ZHX3: variants seen among roughly 807,000 people sequenced by gnomAD.
ZHX3 encodes the protein zinc fingers and homeoboxes 3, also known as zinc fingers and homeoboxes protein 3.
Under a neutral mutation model 64.5 loss-of-function variants are expected in ZHX3, and 20 were observed. That is an observed-to-expected ratio of 0.31 (90% CI 0.22 to 0.45). ZHX3 has a LOEUF of 0.45. Ranked by LOEUF, ZHX3 falls within the 20% of genes least tolerant of loss-of-function variation. ZHX3 has a pLI of 1.00. For synonymous variants in ZHX3, 423 were observed against 461.6 expected, an observed-to-expected ratio of 0.92 and a Z score of 1.07; for missense variants, 1,041 against 1,195.8, an observed-to-expected ratio of 0.87 and a Z score of 1.91.
rs548183566 is a variant in ZHX3 at position 41,228,306 on chromosome 20, C to T, written c.-150-23240G>A. The stretch of plus-strand genomic sequence containing the variant: ...ATGCATAAATTTCTGGCTCCGTTGA[C>T]CCTGGCACTCACCCTTCCAAAAAAC... On this transcript the variant is annotated intron_variant, in intron 2 of 3. Coordinates refer to ENST00000683867, the MANE Select transcript of ZHX3 (RefSeq NM_001384317.1). The surrounding 1 kb of genome is among the most constrained non-coding windows in gnomAD (Gnocchi z 4.6). Among the ~76,000 whole-genome samples, 108 of 152,298 alleles carry T rather than the reference C, an allele frequency of 7.1e-4. No individual in the cohort carries two copies. Among genetic ancestry groups the T allele is most frequent in the Admixed American group, 4.7e-3 (72 of 15,292 alleles).
chr20:41,196,763 G>C (rs1256561497), intron 3 of ZHX3: 19 of 174,862 alleles, frequency 1.1e-4, no homozygotes, highest in African/African-American at 4.8e-4. Context: ...AGGCAGTGCT[G>C]AAAGGCATCC....
chr20:41,256,208 G>A (rs928610246), intron 2 of ZHX3, among the ~76,000 whole-genome samples: 12 of 152,204 alleles, frequency 7.9e-5, no homozygotes, highest in African/African-American at 1.9e-4. Context: ...ATTTAGGCTC[G>A]GAGGAACAAT....
At chr20:41,241,019 G>C (rs1333751856) in intron 2 of ZHX3, among the ~76,000 whole-genome samples, 1 of 152,074 alleles carries the variant, frequency 6.6e-6, no homozygotes, top group African/African-American at 2.4e-5. Context: ...TCCTTTTTGG[G>C]GGTATATACC....
chr20:41,185,492 A>C lies in ZHX3; in HGVS notation c.2861-291T>G. The stretch of plus-strand genomic sequence containing the variant: ...GGTTTGGCCTCTCCAGGCCCACTAA[A>C]TCCCCCTAGCTCCCCAGGCTTCCGC... On this transcript the variant is annotated intron_variant, in intron 3 of 3. Transcript: ENST00000683867. The surrounding 1 kb of genome is among the most constrained non-coding windows in gnomAD (Gnocchi z 5.0). 1 of 530,178 alleles carries C rather than the reference A, an allele frequency of 1.9e-6. No homozygotes were observed. The highest frequency in any genetic ancestry group is 3.5e-5 in the Admixed American group (1 of 28,190). 32.8% of individuals were successfully genotyped at this position (530,178 alleles called of 1,614,324 possible).
In ZHX3 at chr20:41,203,283, C is replaced by A; in HGVS notation, c.1634G>T (p.Arg545Leu). 6.2e-7 allele frequency: 1 copy of A among 1,614,156 alleles called. No homozygotes were observed. ...CTTCAAGTTCCGGCAGTGGTATCTACGATCACTGAACCATTTCCGCACCTC... is the reference window on the plus strand; with the variant it reads ...CTTCAAGTTCCGGCAGTGGTATCTAAGATCACTGAACCATTTCCGCACCTC... Reference protein sequence around the residue: ...TREVRKWFSDRRYHCRNLKGS... With the variant: ...TREVRKWFSDLRYHCRNLKGS... The change falls in exon 3 of 4, where the codon CGT becomes CTT. Residue 545 changes from arginine to leucine, a missense_variant. Coordinates refer to ENST00000683867, the MANE Select transcript of ZHX3 (RefSeq NM_001384317.1). The surrounding 1 kb of genome is among the most constrained non-coding windows in gnomAD (Gnocchi z 7.1).
chr20:41,236,361 C>A (rs1460060048), intron 2 of ZHX3, among the ~76,000 whole-genome samples: 1 of 152,204 alleles, frequency 6.6e-6, no homozygotes, highest in Non-Finnish European at 1.5e-5. Context: ...TGCTACCTGA[C>A]TTCAAACTAT....
intron 2 of ZHX3, among the ~76,000 whole-genome samples, chr20:41,211,682 T>A (rs1381239540): frequency 1.3e-5 from 2 of 152,214 alleles, no homozygotes; most frequent in Admixed American, 6.5e-5. Flanking sequence ...AATAGCTACC[T>A]AATAATGTAC....
At chr20:41,306,949 C>T (rs1266547097) in intron 1 of ZHX3, among the ~76,000 whole-genome samples, 2 of 152,186 alleles carry the variant, frequency 1.3e-5, no homozygotes, top group Non-Finnish European at 2.9e-5. Flanking sequence ...CGATGACCAC[C>T]TACAAGGCTA....
intron 2 of ZHX3, among the ~76,000 whole-genome samples, chr20:41,261,713 C>T (rs4812486): frequency 0.58 from 87,516 of 151,994 alleles, 26,450 homozygotes; most frequent in East Asian, 0.81. Context: ...AACAGCCAAT[C>T]CTAAGGCCTT....
chr20:41,236,789 T>C (rs1444499355), intron 2 of ZHX3, among the ~76,000 whole-genome samples: 1 of 152,016 alleles, frequency 6.6e-6, no homozygotes, highest in African/African-American at 2.4e-5. Flanking sequence ...ATTGAAGAGC[T>C]TCTACAAAGC....
Position 41,202,794 on chromosome 20 carries a change from G to A in ZHX3, c.2123C>T (p.Ser708Phe). ...SELRVSGENGSLEMPSSHILA... is the reference protein window; with the variant it reads ...SELRVSGENGFLEMPSSHILA... ...GATATGGCTGCTGGGCATTTCCAGA[G>A]AGCCATTTTCACCAGAGACCCTTAG... Residue 708 changes from serine (S) to phenylalanine (F), a missense_variant, in exon 3 of 4, where the codon TCT becomes TTT. Physicochemically the swap from Ser to Phe is radical, Grantham distance 155 (BLOSUM62 -2). This residue lies in a region of ZHX3 where 649 missense variants were observed against 739.8 expected (regional missense o/e 0.88). Transcript: ENST00000683867. The surrounding 1 kb of genome is among the most constrained non-coding windows in gnomAD (Gnocchi z 7.0). 6.2e-7 allele frequency: 1 copy of A among 1,614,112 alleles called. No homozygotes were observed. Among genetic ancestry groups the A allele is most frequent in the Non-Finnish European group, 8.5e-7 (1 of 1,180,006 alleles).
intron 1 of ZHX3, among the ~76,000 whole-genome samples, chr20:41,295,293 G>T (rs1021371787): frequency 2.0e-5 from 3 of 151,876 alleles, no homozygotes; most frequent in Admixed American, 6.6e-5. Context: ...ATGCAGCAAG[G>T]CATAAAAAAT....
intron 1 of ZHX3, among the ~76,000 whole-genome samples, chr20:41,305,023 C>G (rs1433437484): frequency 6.6e-6 from 1 of 152,230 alleles, no homozygotes; most frequent in African/African-American, 2.4e-5. Context: ...AGGACCATTA[C>G]ACAGATAGAA....
At chr20:41,289,581 A>T (rs2044120871) in intron 1 of ZHX3, among the ~76,000 whole-genome samples, 2 of 152,204 alleles carry the variant, frequency 1.3e-5, no homozygotes, top group Admixed American at 1.3e-4. Context: ...CTTTTAGGTA[A>T]CATGCCAAGG....
In ZHX3 at chr20:41,219,031, G is replaced by A. The variant is rs1043100877; in HGVS notation, c.-150-13965C>T. Among the ~76,000 whole-genome samples the A allele has an allele frequency of 6.8e-6, 1 of 146,484 alleles. No homozygotes were observed. Among genetic ancestry groups the A allele is most frequent in the Non-Finnish European group, 1.5e-5 (1 of 67,216 alleles). ...TGCAAGCTCCACCTCCCGGGTTCAC[G>A]CCACTCTCCTGCCTCAGCCTCCCAA... On this transcript the variant is annotated intron_variant, in intron 2 of 3. Coordinates refer to ENST00000683867, the MANE Select transcript of ZHX3 (RefSeq NM_001384317.1). The surrounding 1 kb of genome is among the most constrained non-coding windows in gnomAD (Gnocchi z 5.0).
chr20:41,182,216 C>CA lies in ZHX3; in HGVS notation c.*2974dup, dbSNP rs2036276034. On this transcript the variant is annotated 3_prime_UTR_variant, in exon 4 of 4. Coordinates refer to ENST00000683867, the MANE Select transcript of ZHX3 (RefSeq NM_001384317.1). This position sits in a 1 kb window ranked among gnomAD's most constrained non-coding sequence, Gnocchi z 6.1. Reference sequence around the variant, plus strand: ...ACAAATGGGTACAAGACATCAGCAACAAAAAAACACTAAAAGATGATTTTA... The same window carrying CA: ...ACAAATGGGTACAAGACATCAGCAACAAAAAAAACACTAAAAGATGATTTTA... The CA allele has an allele frequency of 6.6e-6, 1 of 152,040 alleles. No individual in the cohort carries two copies. Among genetic ancestry groups the CA allele is most frequent in the African/African-American group, 2.4e-5 (1 of 41,404 alleles). 9.4% of individuals were successfully genotyped at this position (152,040 alleles called of 1,614,324 possible).
At chr20:41,196,460 AT>A in intron 3 of ZHX3, among the ~76,000 whole-genome samples, 1 of 57,268 alleles carries the variant, frequency 1.7e-5, no homozygotes, top group African/African-American at 7.7e-5. Flanking sequence ...TAATATATTT[AT>A]ATATAATATA....
chr20:41,218,551 T>C (rs150770824), intron 2 of ZHX3, among the ~76,000 whole-genome samples: 38 of 152,342 alleles, frequency 2.5e-4, no homozygotes, highest in Middle Eastern at 6.8e-3. Flanking sequence ...CTGTATTGCT[T>C]ACTCTTATGT....
At chr20:41,283,738 C>A (rs1483558368) in intron 1 of ZHX3, among the ~76,000 whole-genome samples, 1 of 145,580 alleles carries the variant, frequency 6.9e-6, no homozygotes, top group South Asian at 2.2e-4. Context: ...GCCTGGGCGA[C>A]AGAACGAGTC....
Sources: gnomAD v4.1 joint callset for allele counts (sites outside exome capture counted in the v4.1 genomes callset) on GRCh38, gnomAD v4.1.1 for gene constraint, gnomAD v4.1.1 regional missense constraint, Gnocchi (gnomAD v3.1) non-coding constraint, MANE v1.5 for transcripts, NCBI Gene and HGNC (gene_info 2026-07-23, HGNC 2026-07-21) for gene names.